UNC13B: variants seen among roughly 807,000 people sequenced by gnomAD.
The protein encoded by UNC13B is protein unc-13 homolog B.
In UNC13B, 144 loss-of-function variants were observed where a neutral mutation model predicts 211.0. The observed-to-expected ratio is 0.68, with a 90% CI of 0.60 to 0.78. The LOEUF (loss-of-function observed/expected upper bound fraction) is 0.78. Ranked by LOEUF, UNC13B falls within the 30% of genes least tolerant of loss-of-function variation. The pLI, the probability that UNC13B is intolerant of heterozygous loss-of-function variation, is 0.00. For synonymous variants in UNC13B, 709 were observed against 725.8 expected (o/e 0.98, Z 0.37); for missense variants, 1,777 against 2,002.0 (o/e 0.89, Z 2.14).
chr9:35,168,688 A>G (rs919466072), intron 1 of UNC13B, among the ~76,000 whole-genome samples: 2 of 149,664 alleles, frequency 1.3e-5, no homozygotes, highest in East Asian at 2.0e-4. Context: ...TTTCCATATG[A>G]ACATGTATTA....
intron 6 of UNC13B, among the ~76,000 whole-genome samples, chr9:35,252,027 C>T (rs748072030): frequency 6.6e-6 from 1 of 152,104 alleles, no homozygotes; most frequent in African/African-American, 2.4e-5. Flanking sequence ...ATTCACTTTC[C>T]CTCATCTGTT....
In UNC13B at chr9:35,397,061, GT is replaced by G. The variant is rs1207672875; in HGVS notation, c.11533-104del. The G allele has an allele frequency of 6.9e-6, 11 of 1,599,078 alleles. No homozygotes were observed. The African/African-American group carries it at 1.5e-4, about 21-fold the overall frequency. ...GCCCTGTGGAGTTCACAGGAGGGCT[GT>G]TGAGGGCCATTAGCCACTCTTGCTG... On this transcript the variant is annotated intron_variant, in intron 28 of 39. Transcript: ENST00000635942.
At chr9:35,176,965 C>T (rs946691045) in intron 1 of UNC13B, among the ~76,000 whole-genome samples, 3 of 152,032 alleles carry the variant, frequency 2.0e-5, no homozygotes, top group African/African-American at 7.2e-5. Flanking sequence ...GCAAGTATAG[C>T]CAATATTCCA....
intron 7 of UNC13B, among the ~76,000 whole-genome samples, chr9:35,281,818 TGAA>T (rs1183782534): frequency 1.3e-5 from 2 of 152,252 alleles, no homozygotes; most frequent in East Asian, 3.9e-4. Context: ...GACAGTTAAG[TGAA>T]GAAGGAGAAA....
At chr9:35,184,438 G>A (rs1333866555) in intron 1 of UNC13B, among the ~76,000 whole-genome samples, 5 of 152,196 alleles carry the variant, frequency 3.3e-5, no homozygotes, top group African/African-American at 9.6e-5. Context: ...TTGAGTGAGC[G>A]AGACTCCGTC....
chr9:35,356,385 T>C (rs1432950574), intron 11 of UNC13B, among the ~76,000 whole-genome samples: 1 of 152,208 alleles, frequency 6.6e-6, no homozygotes, highest in Admixed American at 6.5e-5. Flanking sequence ...ATCTTTTTTT[T>C]CTTGGTATGT....
At chr9:35,226,039 A>T (rs1824821092) in intron 1 of UNC13B, among the ~76,000 whole-genome samples, 1 of 152,104 alleles carries the variant, frequency 6.6e-6, no homozygotes, top group African/African-American at 2.4e-5. Flanking sequence ...GTGGTAGGAT[A>T]GGCTAGGTTT....
At chr9:35,329,428 C>T (rs1419084447) in intron 11 of UNC13B, among the ~76,000 whole-genome samples, 1 of 151,954 alleles carries the variant, frequency 6.6e-6, no homozygotes. Flanking sequence ...AGGAAAGAGG[C>T]CTTGGGAGAA....
intron 12 of UNC13B, 73 bp downstream of exon 12, chr9:35,367,066 AAG>A (rs1275241189): frequency 1.4e-6 from 2 of 1,435,742 alleles, no homozygotes; most frequent in Non-Finnish European, 2.0e-6. Context: ...TTCCCCTGGG[AAG>A]CAGGGGAACC....
intron 1 of UNC13B, among the ~76,000 whole-genome samples, chr9:35,166,207 C>G (rs928515268): frequency 1.3e-5 from 2 of 151,990 alleles, no homozygotes; most frequent in African/African-American, 4.8e-5. Context: ...CGTGGTGAAA[C>G]CCCATCTCTA....
intron 8 of UNC13B, among the ~76,000 whole-genome samples, chr9:35,299,197 A>G (rs928931149): frequency 6.6e-6 from 1 of 152,166 alleles, no homozygotes; most frequent in African/African-American, 2.4e-5. Context: ...GTGCCATTGC[A>G]CTCCAGCCTG....
In UNC13B at chr9:35,304,903, G is replaced by T. The variant is rs532087005; in HGVS notation, c.5499G>T (p.Leu1833Phe). 1.3e-5 allele frequency: 5 copies of T among 398,714 alleles called. No individual in the cohort carries two copies. Among genetic ancestry groups the T allele is most frequent in the African/African-American group, 2.1e-5 (1 of 48,630 alleles). 24.7% of individuals were successfully genotyped at this position (398,714 alleles called of 1,614,324 possible). ...TATCCAATGTTCAGCATCCAGAATTGATCAAAAATATAAGGCAAGAATTCT... is the reference window on the plus strand; with the variant it reads ...TATCCAATGTTCAGCATCCAGAATTTATCAAAAATATAAGGCAAGAATTCT... ...QIVSNVQHPELIKNIRQEFSL... is the reference protein window; with the variant it reads ...QIVSNVQHPEFIKNIRQEFSL... Residue 1833 changes from leucine to phenylalanine, a missense_variant, in exon 9 of 40, where the codon TTG (leucine) becomes TTT (phenylalanine). By Grantham distance (22) the Leu-to-Phe change is conservative (BLOSUM62 0). Transcript: ENST00000635942.
At chr9:35,314,501 T>C (rs1830346558) in intron 11 of UNC13B, among the ~76,000 whole-genome samples, 1 of 152,162 alleles carries the variant, frequency 6.6e-6, no homozygotes, top group South Asian at 2.1e-4. Flanking sequence ...GTTTGAAGTG[T>C]CTTTATCTGT....
At chr9:35,366,212 A>G (rs1393743962) in intron 11 of UNC13B, among the ~76,000 whole-genome samples, 1 of 152,238 alleles carries the variant, frequency 6.6e-6, no homozygotes, top group African/African-American at 2.4e-5. Flanking sequence ...ACCTTTCTGC[A>G]TGCTGCTTGA....
chr9:35,280,738 G>C (rs1207850126), intron 7 of UNC13B, among the ~76,000 whole-genome samples: 1 of 152,140 alleles, frequency 6.6e-6, no homozygotes. Context: ...GTAGTCTTCT[G>C]ACTCATTTAT....
At chr9:35,387,190 C>T (rs1270584396) in intron 24 of UNC13B, among the ~76,000 whole-genome samples, 1 of 152,200 alleles carries the variant, frequency 6.6e-6, no homozygotes, top group East Asian at 1.9e-4. Context: ...TCTTTTCGCA[C>T]TCTTGATCAG....
rs759003480 is a variant in UNC13B at position 35,397,640 on chromosome 9, C to T, written c.11682C>T (p.Ile3894=). ...TTCCTTTCTCCTCTTCTCAGACCAT[C>T]GGGAAGGTGCTGATGCAGTATGCAG... ...AHYMRRFAKT[I]GKVLMQYADI... The change falls in exon 30 of 40, where the codon ATC becomes ATT. Residue 3894 remains isoleucine (I), a synonymous_variant. Coordinates refer to ENST00000635942, the MANE Select transcript of UNC13B (RefSeq NM_001371189.2). 10 of 1,613,320 alleles carry T rather than the reference C, an allele frequency of 6.2e-6. No individual in the cohort carries two copies. Among genetic ancestry groups the T allele is most frequent in the Non-Finnish European group, 7.6e-6 (9 of 1,179,672 alleles).
chr9:35,392,562 T>C (rs1369947606), intron 26 of UNC13B, among the ~76,000 whole-genome samples: 5 of 148,688 alleles, frequency 3.4e-5, no homozygotes, highest in Non-Finnish European at 7.4e-5. Context: ...AAACACCGCA[T>C]ATTCTCACTC....
intron 18 of UNC13B, 45 bp from the exon 19 acceptor site, chr9:35,381,053 CTG>C: frequency 1.3e-6 from 2 of 1,548,986 alleles, no homozygotes; most frequent in Non-Finnish European, 1.8e-6. Flanking sequence ...ACTATCTATG[CTG>C]TCTAGTTGCA....
Sources: allele counts gnomAD v4.1 joint callset (sites outside exome capture counted in the v4.1 genomes callset), GRCh38; gene constraint gnomAD v4.1.1; transcripts MANE v1.5; gene names NCBI Gene and HGNC (gene_info 2026-07-23, HGNC 2026-07-21).